Variants in ANKRD16 observed in about 807,000 individuals in gnomAD.
ANKRD16 encodes the protein ankyrin repeat domain 16.
Under a neutral mutation model 37.9 loss-of-function variants are expected in ANKRD16, and 35 were observed. That is an observed-to-expected ratio of 0.92 (90% CI 0.71 to 1.23). The LOEUF is 1.23. Among genes scored for constraint, ANKRD16 ranks in the 50% most tolerant of loss-of-function variants. The pLI, the probability that ANKRD16 is intolerant of heterozygous loss-of-function variation, is 0.00. For synonymous variants in ANKRD16, 206 were observed against 197.2 expected, an observed-to-expected ratio of 1.04 and a Z score of -0.37; for missense variants, 480 against 469.9, an observed-to-expected ratio of 1.02 and a Z score of -0.20.
rs1317818955 is a variant in ANKRD16, at chr10:5,868,532, T to A, written c.*34-5841A>T. Among the ~76,000 whole-genome samples the A allele has an allele frequency of 6.6e-6, 1 of 152,162 alleles. No homozygotes were observed. The highest frequency in any genetic ancestry group is 1.5e-5 in the Non-Finnish European group (1 of 68,038). ...AAAATGCACCAATCAGCGCTCTGTG[T>A]CTAGCTAAAGGATTGTAAACACACC... On this transcript the variant is annotated intron_variant, in intron 7 of 7. Coordinates refer to ENST00000380094, the MANE Select transcript of ANKRD16 (RefSeq NM_019046.3). The surrounding 1 kb of genome is among the most constrained non-coding windows in gnomAD (Gnocchi z 4.9).
At chr10:5,879,719 A>AG (rs60261178) in intron 6 of ANKRD16, among the ~76,000 whole-genome samples, 1 of 151,582 alleles carries the variant, frequency 6.6e-6, no homozygotes, top group Admixed American at 6.6e-5. Context: ...TTTATGATGC[A>AG]TATATTGTTA....
At position 5,871,609 on chromosome 10, in the gene ANKRD16, T is replaced by C. The variant is rs1326816065; in HGVS notation, c.*33+6488A>G. On this transcript the variant is annotated intron_variant, in intron 7 of 7. Transcript: ENST00000380094. The surrounding 1 kb of genome is among the most constrained non-coding windows in gnomAD (Gnocchi z 4.5). Reference sequence around the variant, plus strand: ...GCCCACGTGGGCTCTGCCCTGAACTTTTCTTCCTTCTTGCCCTTCTTCTTT... The same window carrying C: ...GCCCACGTGGGCTCTGCCCTGAACTCTTCTTCCTTCTTGCCCTTCTTCTTT... Among the ~76,000 whole-genome samples the C allele has an allele frequency of 6.6e-6, 1 of 152,062 alleles. No homozygotes were observed. Among genetic ancestry groups the C allele is most frequent in the African/African-American group, 2.4e-5 (1 of 41,382 alleles).
chr10:5,867,775 C>T (rs902853552), intron 7 of ANKRD16, among the ~76,000 whole-genome samples: 2 of 152,154 alleles, frequency 1.3e-5, no homozygotes, highest in Non-Finnish European at 2.9e-5. Context: ...CCTACTACCA[C>T]ACACTCTCAA....
At chr10:5,872,316 T>C (rs950312288) in intron 7 of ANKRD16, among the ~76,000 whole-genome samples, 3 of 151,828 alleles carry the variant, frequency 2.0e-5, no homozygotes, top group African/African-American at 4.8e-5. Flanking sequence ...CTGTCTCTAC[T>C]AAAAATACAA....
rs1340471338 is a variant in ANKRD16 at position 5,865,278 on chromosome 10, T to C, written c.*34-2587A>G. On this transcript the variant is annotated intron_variant, in intron 7 of 7. Coordinates refer to ENST00000380094, the MANE Select transcript of ANKRD16 (RefSeq NM_019046.3). The surrounding 1 kb of genome is among the most constrained non-coding windows in gnomAD (Gnocchi z 4.7). ...GCTGCCCCCTCGCCCATGTCCACTA[T>C]GCCGAGGCAATCACTGGAAGGTGCA... Among the ~76,000 whole-genome samples, 1 of 152,214 alleles carries C rather than the reference T, an allele frequency of 6.6e-6. No homozygotes were observed. The highest frequency in any genetic ancestry group is 2.4e-5 in the African/African-American group (1 of 41,442).
rs543549322 is a variant in ANKRD16 at position 5,873,122 on chromosome 10, C to T, written c.*33+4975G>A. Reference sequence around the variant, plus strand: ...TCAGCTCACTGCAACCTCCGCCTCCCGGGTTTAAGCAATTCTCCTGCCTCA... The same window carrying T: ...TCAGCTCACTGCAACCTCCGCCTCCTGGGTTTAAGCAATTCTCCTGCCTCA... On this transcript the variant is annotated intron_variant, in intron 7 of 7. Coordinates refer to ENST00000380094, the MANE Select transcript of ANKRD16 (RefSeq NM_019046.3). Among the ~76,000 whole-genome samples the T allele has an allele frequency of 5.3e-3, 804 of 151,516 alleles. 10 individuals carry two copies. Among genetic ancestry groups the T allele is most frequent in the African/African-American group, 0.018 (747 of 41,288 alleles).
At chr10:5,875,493 T>C (rs1266229048) in intron 7 of ANKRD16, among the ~76,000 whole-genome samples, 1 of 152,150 alleles carries the variant, frequency 6.6e-6, no homozygotes, top group Non-Finnish European at 1.5e-5. Flanking sequence ...TATCAAATGT[T>C]GAAGAAAAGG....
chr10:5,887,701 T>TCCC (rs1170359276), intron 2 of ANKRD16, 146 bp downstream of exon 2: 7 of 91,438 alleles, frequency 7.7e-5, no homozygotes, highest in Non-Finnish European at 1.1e-4. Flanking sequence ...CCCCACCCCC[T>TCCC]CCCCCCCAGA....
chr10:5,872,758 G>C lies in ANKRD16; in HGVS notation c.*33+5339C>G, dbSNP rs9424019. Among the ~76,000 whole-genome samples, 7 of 151,852 alleles carry C rather than the reference G, an allele frequency of 4.6e-5. No homozygotes were observed. In the South Asian group the frequency reaches 6.3e-4, roughly 14 times the overall value. On this transcript the variant is annotated intron_variant, in intron 7 of 7. Coordinates refer to ENST00000380094, the MANE Select transcript of ANKRD16 (RefSeq NM_019046.3). ...TTTTTAGTAGAGACGGGATTTCACC[G>C]TGTTAGCCAAGATGGTCTTAATTTC...
Position 5,868,760 on chromosome 10 carries a change from T to C in ANKRD16, c.*34-6069A>G, listed in dbSNP as rs1164475170. Among the ~76,000 whole-genome samples, 1 of 152,180 alleles carries C rather than the reference T, an allele frequency of 6.6e-6. No homozygotes were observed. Among genetic ancestry groups the C allele is most frequent in the African/African-American group, 2.4e-5 (1 of 41,440 alleles). ...ACGCCACCCTTAAGAGCTGTAACAT[T>C]CACTGCGAGGGTCTGCGGCTTCATT... On this transcript the variant is annotated intron_variant, in intron 7 of 7. Transcript: ENST00000380094. This position sits in a 1 kb window ranked among gnomAD's most constrained non-coding sequence, Gnocchi z 4.9.
rs1564417593 is a variant in ANKRD16 at position 5,880,634 on chromosome 10, C to CGGGGGG, written c.850-259_850-258insCCCCCC. 6.0e-5 allele frequency among the ~76,000 whole-genome samples: 9 copies of CGGGGGG among 150,558 alleles called. 2 individuals carry two copies. The highest frequency in any genetic ancestry group is 2.2e-4 in the African/African-American group (9 of 40,048). On this transcript the variant is annotated intron_variant, in intron 5 of 7. Transcript: ENST00000380094. ...AATCCACATTGCAGGATAAAAGGAG[C>CGGGGGG]AGGGGGGGGATTAGGCAATGATACA...
rs150907427 is a variant in ANKRD16, at chr10:5,877,788, G to C, written c.*33+309C>G. Among the ~76,000 whole-genome samples, 397 of 152,326 alleles carry C rather than the reference G, an allele frequency of 2.6e-3. 2 individuals carry two copies. Among genetic ancestry groups the C allele is most frequent in the African/African-American group, 9.1e-3 (380 of 41,574 alleles). ...TTCATATGTTTGTGAAAGTGTGTATGCTATATTATATTCATGCATGGTACA... is the reference window on the plus strand; with the variant it reads ...TTCATATGTTTGTGAAAGTGTGTATCCTATATTATATTCATGCATGGTACA... On this transcript the variant is annotated intron_variant, in intron 7 of 7. Coordinates refer to ENST00000380094, the MANE Select transcript of ANKRD16 (RefSeq NM_019046.3).
Position 5,889,472 on chromosome 10 carries a change from C to G in ANKRD16, c.-118G>C, listed in dbSNP as rs1842555468. ...CTCTTCACGCAACCTGCCCCGCGCGCCCCGAACCCGGCAGAACCGCCCCTC... is the reference window on the plus strand; with the variant it reads ...CTCTTCACGCAACCTGCCCCGCGCGGCCCGAACCCGGCAGAACCGCCCCTC... On this transcript the variant is annotated 5_prime_UTR_variant, in exon 1 of 8. Transcript: ENST00000380094. 1.3e-6 allele frequency: 1 copy of G among 753,718 alleles called. No individual in the cohort carries two copies. Among genetic ancestry groups the G allele is most frequent in the Non-Finnish European group, 1.7e-6 (1 of 583,660 alleles). The allele number at this position is 753,718 out of a possible 1,614,324, so 46.7% of individuals were successfully genotyped here.
chr10:5,881,706 T>G (rs75443569), intron 5 of ANKRD16, among the ~76,000 whole-genome samples: 1 of 145,666 alleles, frequency 6.9e-6, no homozygotes, highest in African/African-American at 2.6e-5. Flanking sequence ...TTTTTTTTTT[T>G]TGACACAGTC....
chr10:5,888,800 C>A (rs41306916), intron 1 of ANKRD16, among the ~76,000 whole-genome samples: 5,500 of 152,298 alleles, frequency 0.036, 184 homozygotes, highest in East Asian at 0.15. Flanking sequence ...CTATTCCGTG[C>A]TCTAGAAAGG....
At chr10:5,880,664 A>G (rs2131771987) in intron 5 of ANKRD16, among the ~76,000 whole-genome samples, 1 of 152,258 alleles carries the variant, frequency 6.6e-6, no homozygotes, top group East Asian at 1.9e-4. Context: ...GATACATTAA[A>G]TATCTCTTTC....
At chr10:5,872,745 A>G (rs1008492500) in intron 7 of ANKRD16, among the ~76,000 whole-genome samples, 10 of 151,456 alleles carry the variant, frequency 6.6e-5, no homozygotes, top group South Asian at 2.1e-4. Context: ...TTTAGTAGAG[A>G]CGGGATTTCA....
At chr10:5,876,151 T>TA (rs1165421810) in intron 7 of ANKRD16, among the ~76,000 whole-genome samples, 1 of 152,216 alleles carries the variant, frequency 6.6e-6, no homozygotes, top group African/African-American at 2.4e-5. Flanking sequence ...CCCAAAGTGT[T>TA]GGGATTACAG....
At chr10:5,888,968 G>A (rs1179968833) in intron 1 of ANKRD16, 73 bp downstream of exon 1, 3 of 1,407,116 alleles carry the variant, frequency 2.1e-6, no homozygotes, top group East Asian at 2.6e-5. Context: ...CCAAGGGGAC[G>A]GAGAAGCACA....
Sources: gnomAD v4.1 joint callset for allele counts (sites outside exome capture counted in the v4.1 genomes callset) on GRCh38, gnomAD v4.1.1 for gene constraint, Gnocchi (gnomAD v3.1) non-coding constraint, MANE v1.5 for transcripts, NCBI Gene and HGNC (gene_info 2026-07-23, HGNC 2026-07-21) for gene names.